HS3ST4: variants seen among roughly 807,000 people sequenced by gnomAD.
HS3ST4 encodes heparan sulfate-glucosamine 3-sulfotransferase 4.
Under a neutral mutation model 29.2 loss-of-function variants are expected in HS3ST4, and 17 were observed. That is an observed-to-expected ratio of 0.58 (90% CI 0.40 to 0.87). The LOEUF is 0.87. HS3ST4 is among the 40% of genes least tolerant of loss of function. The pLI is 0.00. For synonymous variants in HS3ST4, 314 were observed against 285.7 expected (o/e 1.10, Z -1.00); for missense variants, 627 against 634.5 (o/e 0.99, Z 0.13).
intron 1 of HS3ST4, among the ~76,000 whole-genome samples, chr16:25,969,133 T>C: frequency 6.6e-6 from 1 of 152,194 alleles, no homozygotes; most frequent in East Asian, 1.9e-4. Flanking sequence ...AAGGTTTCAA[T>C]TGTCACTACT....
intron 1 of HS3ST4, among the ~76,000 whole-genome samples, chr16:25,897,663 C>G (rs1016699427): frequency 6.6e-6 from 1 of 151,896 alleles, no homozygotes; most frequent in South Asian, 2.1e-4. Context: ...GGTAGGGGGG[C>G]AGTAGAACCC....
chr16:25,819,209 G>A (rs1967123614), intron 1 of HS3ST4, among the ~76,000 whole-genome samples: 1 of 152,192 alleles, frequency 6.6e-6, no homozygotes, highest in South Asian at 2.1e-4. Context: ...TGAAGGACCA[G>A]AATAGATGCA....
At chr16:25,910,328 C>T (rs1187021140) in intron 1 of HS3ST4, among the ~76,000 whole-genome samples, 2 of 152,124 alleles carry the variant, frequency 1.3e-5, no homozygotes, top group Admixed American at 6.6e-5. Flanking sequence ...GTCCATGAAA[C>T]ATTGGAGTTT....
intron 1 of HS3ST4, among the ~76,000 whole-genome samples, chr16:25,755,336 A>G (rs1966750471): frequency 6.6e-6 from 1 of 152,242 alleles, no homozygotes; most frequent in Non-Finnish European, 1.5e-5. Context: ...AGCCTGAGAG[A>G]GGCAACAATA....
At chr16:25,827,566 T>G (rs1014738210) in intron 1 of HS3ST4, among the ~76,000 whole-genome samples, 6 of 151,646 alleles carry the variant, frequency 4.0e-5, no homozygotes, top group Admixed American at 1.3e-4. Context: ...AGCTTTTGGT[T>G]TCTATCTTAG....
chr16:25,700,483 G>A (rs1966327594), intron 1 of HS3ST4, among the ~76,000 whole-genome samples: 1 of 152,146 alleles, frequency 6.6e-6, no homozygotes, highest in African/African-American at 2.4e-5. Context: ...GTGTTCTCTA[G>A]ACATCCTAAC....
chr16:25,946,948 C>T (rs1350797774), intron 1 of HS3ST4, among the ~76,000 whole-genome samples: 7 of 152,136 alleles, frequency 4.6e-5, no homozygotes, highest in Middle Eastern at 3.2e-3. Flanking sequence ...GCATAACACC[C>T]AATGTCCCAA....
intron 1 of HS3ST4, among the ~76,000 whole-genome samples, chr16:26,018,650 C>T (rs1350864890): frequency 6.6e-6 from 1 of 152,114 alleles, no homozygotes; most frequent in Non-Finnish European, 1.5e-5. Context: ...GAGACAATAT[C>T]CTGACTCCCT....
chr16:25,707,723 T>C (rs539918223), intron 1 of HS3ST4, among the ~76,000 whole-genome samples: 1 of 152,228 alleles, frequency 6.6e-6, no homozygotes, highest in Non-Finnish European at 1.5e-5. Flanking sequence ...GTTCCTCTGC[T>C]TGAGCTTTGC....
intron 1 of HS3ST4, among the ~76,000 whole-genome samples, chr16:26,093,743 A>G (rs1044922104): frequency 2.0e-5 from 3 of 152,206 alleles, no homozygotes; most frequent in African/African-American, 4.8e-5. Flanking sequence ...CAACGGAACA[A>G]AGCTGGACGG....
chr16:26,104,560 C>G (rs1027180214), intron 1 of HS3ST4, among the ~76,000 whole-genome samples: 1 of 152,162 alleles, frequency 6.6e-6, no homozygotes, highest in African/African-American at 2.4e-5. Flanking sequence ...CAGTGGCTTT[C>G]TCTATTTTTA....
At chr16:25,728,591 T>C (rs972663388) in intron 1 of HS3ST4, among the ~76,000 whole-genome samples, 4 of 152,114 alleles carry the variant, frequency 2.6e-5, no homozygotes, top group Non-Finnish European at 4.4e-5. Context: ...AGGAAAGTAT[T>C]CATGGGAATT....
Position 25,828,305 on chromosome 16 carries a change from TC to T in HS3ST4, c.734+135155del, listed in dbSNP as rs1567249542. Among the ~76,000 whole-genome samples the T allele has an allele frequency of 6.3e-3, 483 of 76,142 alleles. 9 individuals carry two copies. Among genetic ancestry groups the T allele is most frequent in the Middle Eastern group, 0.011 (2 of 190 alleles). The allele number at this position is 76,142 out of a possible 152,430, so 50.0% of individuals were successfully genotyped here. A position where few individuals can be genotyped will look rare whatever the true frequency, so the allele number is the denominator to read the frequency against. The stretch of plus-strand genomic sequence containing the variant: ...CTTTCTTTCTTTCTTTCTTTCCCTC[TC>T]TCTCTCTCTCTCTCTCTCTCTCTCT... On this transcript the variant is annotated intron_variant, in intron 1 of 1. Coordinates refer to ENST00000331351, the MANE Select transcript of HS3ST4 (RefSeq NM_006040.3).
intron 1 of HS3ST4, among the ~76,000 whole-genome samples, chr16:25,993,403 T>G (rs1456180527): frequency 6.6e-6 from 1 of 152,138 alleles, no homozygotes; most frequent in Non-Finnish European, 1.5e-5. Flanking sequence ...GTCTTGAAAT[T>G]CCTATGACCC....
chr16:25,868,401 C>T (rs1345545332), intron 1 of HS3ST4, among the ~76,000 whole-genome samples: 3 of 152,164 alleles, frequency 2.0e-5, no homozygotes, highest in Non-Finnish European at 4.4e-5. Flanking sequence ...TCCCCCTTCC[C>T]TCTGTAGGAG....
At chr16:25,752,534 ATTGCT>A (rs1966729066) in intron 1 of HS3ST4, among the ~76,000 whole-genome samples, 1 of 152,216 alleles carries the variant, frequency 6.6e-6, no homozygotes, top group Non-Finnish European at 1.5e-5. Context: ...AACAAAGGGC[ATTGCT>A]GCATTGCTGG....
At chr16:25,954,375 TA>T (rs1391785215) in intron 1 of HS3ST4, among the ~76,000 whole-genome samples, 2 of 152,130 alleles carry the variant, frequency 1.3e-5, no homozygotes, top group Non-Finnish European at 2.9e-5. Context: ...CTGCCAAACA[TA>T]AGCTTTACAA....
intron 1 of HS3ST4, among the ~76,000 whole-genome samples, chr16:26,009,102 T>C (rs562029676): frequency 3.3e-5 from 5 of 152,328 alleles, no homozygotes; most frequent in Admixed American, 3.3e-4. Flanking sequence ...TGACCTTACA[T>C]GTTCTTCTTT....
chr16:26,113,768 A>G lies in HS3ST4; in HGVS notation c.735-21844A>G, dbSNP rs547032606. ...CCTCTTCCTCCTTCTCTTCCTCCTG[A>G]CCCACACCCCATCCATATCTCTGGA... On this transcript the variant is annotated intron_variant, in intron 1 of 1. Transcript: ENST00000331351. Among the ~76,000 whole-genome samples, 5 of 151,926 alleles carry G rather than the reference A, an allele frequency of 3.3e-5. No individual in the cohort carries two copies. In the East Asian group the frequency reaches 9.7e-4, roughly 30 times the overall value.
Sources: gnomAD v4.1 joint callset for allele counts (sites outside exome capture counted in the v4.1 genomes callset) on GRCh38, gnomAD v4.1.1 for gene constraint, MANE v1.5 for transcripts, NCBI Gene and HGNC (gene_info 2026-07-23, HGNC 2026-07-21) for gene names.